Variants in SLC4A4 observed in about 807,000 individuals in gnomAD.
SLC4A4 encodes solute carrier family 4 member 4.
In SLC4A4, 27 loss-of-function variants were observed where a neutral mutation model predicts 111.5. That is an observed-to-expected ratio of 0.24 (90% confidence interval 0.18 to 0.33). The LOEUF (loss-of-function observed/expected upper bound fraction) is 0.33. Among genes scored for constraint, SLC4A4 ranks in the 10% least tolerant of loss-of-function variants. The pLI, the probability that SLC4A4 is intolerant of heterozygous loss-of-function variation, is 1.00. For synonymous variants in SLC4A4, 443 were observed against 463.4 expected (o/e 0.96, Z 0.57); for missense variants, 909 against 1,315.5 (o/e 0.69, Z 4.78).
intron 6 of SLC4A4, among the ~76,000 whole-genome samples, chr4:71,363,134 G>A (rs888678531): frequency 3.9e-5 from 6 of 152,152 alleles, no homozygotes; most frequent in Non-Finnish European, 7.4e-5. Context: ...CACACCTTTA[G>A]GTATTTTTAA....
At chr4:71,423,158 A>G (rs1424470082) in intron 7 of SLC4A4, among the ~76,000 whole-genome samples, 2 of 152,340 alleles carry the variant, frequency 1.3e-5, no homozygotes, top group East Asian at 1.9e-4. Context: ...TACAAAGTCA[A>G]TGTACAAAAA....
chr4:71,294,396 G>GT (rs1724614410), intron 3 of SLC4A4, among the ~76,000 whole-genome samples: 1 of 152,224 alleles, frequency 6.6e-6, no homozygotes. Flanking sequence ...ATGGGTTGAT[G>GT]TAAGTTCATG....
At chr4:71,081,414 CTG>C (rs760290023) in intron 1 of SLC4A4, among the ~76,000 whole-genome samples, 10 of 152,188 alleles carry the variant, frequency 6.6e-5, no homozygotes, top group Non-Finnish European at 1.5e-4. Flanking sequence ...CCAATGAAAA[CTG>C]TGATGCTGTC....
intron 20 of SLC4A4, among the ~76,000 whole-genome samples, chr4:71,550,468 A>G (rs1307339191): frequency 2.6e-5 from 4 of 152,036 alleles, no homozygotes; most frequent in African/African-American, 9.6e-5. Context: ...ACTAAGTAAG[A>G]GTCAAGATTA....
At chr4:71,368,967 TG>T (rs796998268) in intron 6 of SLC4A4, among the ~76,000 whole-genome samples, 70 of 152,318 alleles carry the variant, frequency 4.6e-4, no homozygotes, top group African/African-American at 1.7e-3. Flanking sequence ...TCTTAATTAA[TG>T]CTTCCATCCT....
chr4:71,502,762 T>C (rs1425721933), intron 16 of SLC4A4, among the ~76,000 whole-genome samples: 1 of 152,198 alleles, frequency 6.6e-6, no homozygotes, highest in Non-Finnish European at 1.5e-5. Context: ...TGATCTGTCC[T>C]GGAGAATGTT....
chr4:71,344,463 C>G (rs1386978410), intron 4 of SLC4A4, among the ~76,000 whole-genome samples: 1 of 152,072 alleles, frequency 6.6e-6, no homozygotes, highest in Non-Finnish European at 1.5e-5. Flanking sequence ...ACCTACCAGA[C>G]TAATAAAAGT....
intron 2 of SLC4A4, among the ~76,000 whole-genome samples, chr4:71,162,132 A>G (rs1034612615): frequency 6.6e-6 from 1 of 152,212 alleles, no homozygotes. Flanking sequence ...AGACTGAGGC[A>G]TTCAATATGT....
intron 2 of SLC4A4, among the ~76,000 whole-genome samples, chr4:71,117,035 G>T (rs540667969): frequency 4.8e-4 from 73 of 152,108 alleles, no homozygotes; most frequent in African/African-American, 1.7e-3. Context: ...TGAGTACAGT[G>T]GCGTGACCAT....
intron 6 of SLC4A4, among the ~76,000 whole-genome samples, chr4:71,388,990 T>C (rs1429510132): frequency 1.3e-5 from 2 of 152,188 alleles, no homozygotes; most frequent in African/African-American, 4.8e-5. Context: ...TTGTATTTGA[T>C]ATTGAGATGT....
intron 2 of SLC4A4, among the ~76,000 whole-genome samples, chr4:71,170,201 TTA>T (rs1744898475): frequency 6.6e-6 from 1 of 152,216 alleles, no homozygotes; most frequent in South Asian, 2.1e-4. Context: ...TCTTATTATT[TTA>T]TATGTTTGTT....
chr4:71,211,027 C>A (rs920423446), intron 1 of SLC4A4, among the ~76,000 whole-genome samples: 5 of 152,214 alleles, frequency 3.3e-5, no homozygotes, highest in African/African-American at 1.2e-4. Flanking sequence ...AACTCGCATT[C>A]AGAATGTTTT....
At chr4:71,511,505 C>T (rs2149175344) in intron 16 of SLC4A4, among the ~76,000 whole-genome samples, 1 of 151,818 alleles carries the variant, frequency 6.6e-6, no homozygotes, top group Admixed American at 6.5e-5. Flanking sequence ...TGCTAATTTT[C>T]TCTAAACTTA....
At chr4:71,562,019 G>A (rs1329280242) in intron 23 of SLC4A4, among the ~76,000 whole-genome samples, 1 of 151,740 alleles carries the variant, frequency 6.6e-6, no homozygotes, top group African/African-American at 2.4e-5. Flanking sequence ...CTGCTCTCTA[G>A]TGACAAAAGT....
In SLC4A4 at chr4:71,408,619, A is replaced by G. The variant is rs568818316; in HGVS notation, c.807+10966A>G. 2.0e-5 allele frequency among the ~76,000 whole-genome samples: 3 copies of G among 152,296 alleles called. No individual in the cohort carries two copies. The East Asian group carries it at 5.8e-4, about 29-fold the overall frequency. The stretch of plus-strand genomic sequence containing the variant: ...GTAAAGAAATGTATGTCCGATTGTC[A>G]TTTCATGAATCTTATTGAATGCACA... On this transcript the variant is annotated intron_variant, in intron 7 of 25. Transcript: ENST00000264485.
intron 2 of SLC4A4, among the ~76,000 whole-genome samples, chr4:71,165,279 A>G (rs1458799489): frequency 6.6e-6 from 1 of 152,224 alleles, no homozygotes; most frequent in Non-Finnish European, 1.5e-5. Flanking sequence ...CACTGTTTAC[A>G]ATAGCAAAGA....
chr4:71,331,124 C>G (rs1645492990), intron 3 of SLC4A4, among the ~76,000 whole-genome samples: 3 of 152,148 alleles, frequency 2.0e-5, no homozygotes, highest in Admixed American at 6.5e-5. Flanking sequence ...CACTTTTACA[C>G]TGTTGGTGGG....
intron 7 of SLC4A4, among the ~76,000 whole-genome samples, chr4:71,428,531 G>A (rs941474776): frequency 6.6e-6 from 1 of 152,142 alleles, no homozygotes; most frequent in Non-Finnish European, 1.5e-5. Flanking sequence ...GAAGGTCGTG[G>A]AATTGGGTGA....
chr4:71,370,325 T>A (rs1161530708), intron 6 of SLC4A4, among the ~76,000 whole-genome samples: 1 of 152,230 alleles, frequency 6.6e-6, no homozygotes, highest in African/African-American at 2.4e-5. Flanking sequence ...GAAACTTACA[T>A]GGTCAGATTG....
Sources: gnomAD v4.1 joint callset for allele counts (sites outside exome capture counted in the v4.1 genomes callset) on GRCh38, gnomAD v4.1.1 for gene constraint, MANE v1.5 for transcripts, NCBI Gene and HGNC (gene_info 2026-07-23, HGNC 2026-07-21) for gene names.